Variants in AGBL1 observed in about 807,000 individuals in gnomAD.
AGBL1 encodes the protein cytosolic carboxypeptidase 4.
In AGBL1, 130 loss-of-function variants were observed where a neutral mutation model predicts 118.9. The observed-to-expected ratio is 1.09, with a 90% CI of 0.95 to 1.26. The LOEUF (loss-of-function observed/expected upper bound fraction) is 1.26, where lower values mean the gene tolerates loss of function less well. Ranked by LOEUF, AGBL1 falls within the 50% of genes most tolerant of loss-of-function variation. The probability of loss-of-function intolerance (pLI) is 0.00; values close to 1 mark genes in which losing one functional copy is unlikely to be tolerated. For missense variants in AGBL1, 1,584 were observed against 1,298.1 expected, an observed-to-expected ratio of 1.22 and a Z score of -3.38; for synonymous variants, 555 against 478.9, an observed-to-expected ratio of 1.16 and a Z score of -2.08.
In AGBL1 at chr15:86,104,652, G is replaced by A. The variant is rs190619252; in HGVS notation, c.51+24629G>A. Among the ~76,000 whole-genome samples the A allele has an allele frequency of 2.6e-4, 39 of 152,308 alleles. No homozygotes were observed. The East Asian group carries it at 6.6e-3, about 26-fold the overall frequency. On this transcript the variant is annotated intron_variant, in intron 1 of 22. Coordinates refer to ENST00000614907, the MANE Select transcript of AGBL1 (RefSeq NM_001386094.1). ...TGCCCTGGAGGCAGCAGCCAGCAGT[G>A]GTGATGGCTAAAGCTTAGGGATGCC...
chr15:86,090,028 A>G (rs1450623320), intron 1 of AGBL1, among the ~76,000 whole-genome samples: 1 of 152,220 alleles, frequency 6.6e-6, no homozygotes, highest in Non-Finnish European at 1.5e-5. Context: ...AGTACTTACT[A>G]TGTACCAGGA....
At chr15:86,611,960 G>A (rs1328300502) in intron 21 of AGBL1, among the ~76,000 whole-genome samples, 2 of 152,122 alleles carry the variant, frequency 1.3e-5, no homozygotes, top group Non-Finnish European at 2.9e-5. Context: ...GCTCAGTAGA[G>A]GTCAGAACAC....
intron 1 of AGBL1, among the ~76,000 whole-genome samples, chr15:86,118,882 C>G (rs1358737555): frequency 6.6e-6 from 1 of 152,178 alleles, no homozygotes; most frequent in Non-Finnish European, 1.5e-5. Flanking sequence ...AATAGCAACT[C>G]CCATTTATGT....
chr15:86,225,366 G>A (rs1394934937), intron 6 of AGBL1, among the ~76,000 whole-genome samples: 1 of 152,170 alleles, frequency 6.6e-6, no homozygotes, highest in Non-Finnish European at 1.5e-5. Flanking sequence ...ATTTTGGCTG[G>A]CTGGAGAGAA....
intron 23 of AGBL1, chr15:86,932,774 C>G (rs1161004542): frequency 6.6e-6 from 1 of 152,004 alleles, no homozygotes. Flanking sequence ...AGAAATTAAC[C>G]TTTTATGGAA....
chr15:86,338,543 A>C (rs4887438), intron 17 of AGBL1, among the ~76,000 whole-genome samples: 7,297 of 152,184 alleles, frequency 0.048, 200 homozygotes, highest in South Asian at 0.082. Flanking sequence ...ACCCCCGAAG[A>C]ATCCTTTGCT....
At position 86,223,251 on chromosome 15, in the gene AGBL1, A is replaced by T. The variant is rs141162281; in HGVS notation, c.489-1663A>T. 8.1e-3 allele frequency among the ~76,000 whole-genome samples: 1,238 copies of T among 152,290 alleles called. 18 individuals carry two copies. Among genetic ancestry groups the T allele is most frequent in the African/African-American group, 0.028 (1,180 of 41,568 alleles). Reference sequence around the variant, plus strand: ...TTCCTAAAACAAAAGTGCAATGGAAATTAGAAATGCGATCCTTAGAGACCT... The same window carrying T: ...TTCCTAAAACAAAAGTGCAATGGAATTTAGAAATGCGATCCTTAGAGACCT... On this transcript the variant is annotated intron_variant, in intron 5 of 22. Coordinates refer to ENST00000614907, the MANE Select transcript of AGBL1 (RefSeq NM_001386094.1).
chr15:86,707,753 C>A (rs1421494492), intron 22 of AGBL1, among the ~76,000 whole-genome samples: 2 of 152,102 alleles, frequency 1.3e-5, no homozygotes, highest in Non-Finnish European at 2.9e-5. Context: ...AAAACTGTTT[C>A]TGAAAGACTA....
At chr15:86,455,267 T>C (rs1470184804) in intron 18 of AGBL1, among the ~76,000 whole-genome samples, 1 of 152,158 alleles carries the variant, frequency 6.6e-6, no homozygotes, top group African/African-American at 2.4e-5. Context: ...GATTGAGTAG[T>C]AGAACAAAAC....
At chr15:86,769,171 G>GAGAGAGAGAGAGAGAGAGAGAA (rs72260009) in intron 22 of AGBL1, among the ~76,000 whole-genome samples, 116 of 118,582 alleles carry the variant, frequency 9.8e-4, no homozygotes, top group Middle Eastern at 8.6e-3. Flanking sequence ...TTCTCATTTT[G>GAGAGAGAGAGAGAGAGAGAGAA]AGAGGGAGAG....
chr15:86,433,084 G>A (rs1056716180), intron 18 of AGBL1, among the ~76,000 whole-genome samples: 1 of 152,132 alleles, frequency 6.6e-6, no homozygotes, highest in African/African-American at 2.4e-5. Context: ...AAGTCTGATA[G>A]GCCGGAGCAG....
chr15:86,396,613 C>T (rs1320716146), intron 17 of AGBL1, among the ~76,000 whole-genome samples: 1 of 152,104 alleles, frequency 6.6e-6, no homozygotes, highest in Non-Finnish European at 1.5e-5. Context: ...TGTTACTTGC[C>T]TTCTATTTCT....
At chr15:86,696,818 G>C (rs2086270837) in intron 22 of AGBL1, among the ~76,000 whole-genome samples, 2 of 151,954 alleles carry the variant, frequency 1.3e-5, no homozygotes, top group South Asian at 4.2e-4. Context: ...CTCAGCATTT[G>C]TTTGTCTGGA....
intron 18 of AGBL1, among the ~76,000 whole-genome samples, chr15:86,460,958 G>A (rs34048861): frequency 0.36 from 54,097 of 152,078 alleles, 11,349 homozygotes; most frequent in Middle Eastern, 0.51. Context: ...GAGAACTGGC[G>A]GTTCAGTACC....
At chr15:86,255,276 T>G (rs1313364782) in intron 7 of AGBL1, among the ~76,000 whole-genome samples, 1 of 152,176 alleles carries the variant, frequency 6.6e-6, no homozygotes, top group African/African-American at 2.4e-5. Flanking sequence ...ATGAAACACT[T>G]GAGACCATTT....
At chr15:86,850,647 C>A (rs1318401960) in intron 22 of AGBL1, among the ~76,000 whole-genome samples, 1 of 152,122 alleles carries the variant, frequency 6.6e-6, no homozygotes, top group Non-Finnish European at 1.5e-5. Context: ...GATAGGGTTA[C>A]CTAAATTAAC....
intron 22 of AGBL1, among the ~76,000 whole-genome samples, chr15:86,679,414 G>T (rs543878791): frequency 9.1e-4 from 139 of 151,954 alleles, no homozygotes; most frequent in African/African-American, 3.3e-3. Context: ...GAAATTTCTG[G>T]GTTATTTATA....
chr15:86,882,255 GTGGTA>G (rs1358327810), intron 22 of AGBL1, among the ~76,000 whole-genome samples: 1 of 152,144 alleles, frequency 6.6e-6, no homozygotes, highest in Non-Finnish European at 1.5e-5. Flanking sequence ...AATAAGTGGG[GTGGTA>G]TCCAAAATCT....
chr15:86,228,213 T>A (rs1188379368), intron 6 of AGBL1, among the ~76,000 whole-genome samples: 1 of 152,208 alleles, frequency 6.6e-6, no homozygotes, highest in Non-Finnish European at 1.5e-5. Flanking sequence ...TCTTTCGACT[T>A]GGACCCCAGA....
Sources: allele counts gnomAD v4.1 joint callset (sites outside exome capture counted in the v4.1 genomes callset), GRCh38; gene constraint gnomAD v4.1.1; transcripts MANE v1.5; gene names NCBI Gene and HGNC (gene_info 2026-07-23, HGNC 2026-07-21).